The following RXFP1 variants were observed in gnomAD, a reference collection of about 807,000 sequenced individuals.
RXFP1 encodes relaxin family peptide receptor 1.
In RXFP1, 73 loss-of-function variants were observed where a neutral mutation model predicts 89.8. The observed-to-expected ratio is 0.81, with a 90% CI of 0.67 to 0.99. RXFP1 has a LOEUF of 0.99. Among genes scored for constraint, RXFP1 ranks in the 50% least tolerant of loss-of-function variants. The pLI is 0.00. For synonymous variants in RXFP1, 277 were observed against 305.5 expected (o/e 0.91, Z 0.97); for missense variants, 793 against 895.5 (o/e 0.89, Z 1.46).
chr4:158,578,333 G>A (rs1316339708), intron 2 of RXFP1, among the ~76,000 whole-genome samples: 1 of 152,166 alleles, frequency 6.6e-6, no homozygotes, highest in Admixed American at 6.5e-5. Flanking sequence ...TAAGTCATCA[G>A]AGCAGTGTTT....
chr4:158,526,800 T>TGTAAATTAACTCAA (rs1255425066), intron 1 of RXFP1, among the ~76,000 whole-genome samples: 1 of 152,240 alleles, frequency 6.6e-6, no homozygotes, highest in Admixed American at 6.5e-5. Context: ...AAAAAATTTC[T>TGTAAATTAACTCAA]GAGAGTTAAT....
rs191680580 is a variant in RXFP1, at chr4:158,616,611, A to G, written c.681-520A>G. 2.2e-5 allele frequency among the ~76,000 whole-genome samples: 3 copies of G among 133,468 alleles called. No individual in the cohort carries two copies. The Admixed American group carries it at 2.4e-4, about 11-fold the overall frequency. 87.6% of individuals were successfully genotyped at this position (133,468 alleles called of 152,430 possible). A position where few individuals can be genotyped will look rare whatever the true frequency, so the allele number is the denominator to read the frequency against. On this transcript the variant is annotated intron_variant, in intron 8 of 17. Transcript: ENST00000307765. ...ACTGCTTTCCTCCATATAATAACTTATATTTGTTAAAATTTTATTACTATC... is the reference window on the plus strand; with the variant it reads ...ACTGCTTTCCTCCATATAATAACTTGTATTTGTTAAAATTTTATTACTATC...
At chr4:158,556,156 GA>G (rs911383603) in intron 1 of RXFP1, among the ~76,000 whole-genome samples, 39 of 151,118 alleles carry the variant, frequency 2.6e-4, no homozygotes, top group African/African-American at 9.0e-4. Flanking sequence ...TACAGAAAGG[GA>G]GAAAATATTT....
intron 2 of RXFP1, among the ~76,000 whole-genome samples, chr4:158,593,082 G>C (rs1759826774): frequency 7.2e-6 from 1 of 138,958 alleles, no homozygotes; most frequent in African/African-American, 3.1e-5. Context: ...GCGAGACTCT[G>C]TCTCAAAAAA....
At chr4:158,616,352 C>A (rs554373737) in intron 8 of RXFP1, among the ~76,000 whole-genome samples, 1 of 152,004 alleles carries the variant, frequency 6.6e-6, no homozygotes, top group African/African-American at 2.4e-5. Flanking sequence ...TTGCTTGAAC[C>A]TGGGAAGCAG....
rs1023002547 is a variant in RXFP1 at position 158,550,498 on chromosome 4, G to A, written c.50-22200G>A. Reference sequence around the variant, plus strand: ...TGGCACTCCCTAGTGAGATGAACCCGGTACCTCAGATGGAAATGCAGAAAT... The same window carrying A: ...TGGCACTCCCTAGTGAGATGAACCCAGTACCTCAGATGGAAATGCAGAAAT... On this transcript the variant is annotated intron_variant, in intron 1 of 17. Coordinates refer to ENST00000307765, the MANE Select transcript of RXFP1 (RefSeq NM_021634.4). Among the ~76,000 whole-genome samples the A allele has an allele frequency of 1.3e-4, 20 of 152,290 alleles. No individual in the cohort carries two copies. In the East Asian group the frequency reaches 2.7e-3, roughly 21 times the overall value.
At chr4:158,651,080 C>A (rs1267967926) in intron 17 of RXFP1, among the ~76,000 whole-genome samples, 2 of 152,302 alleles carry the variant, frequency 1.3e-5, no homozygotes, top group East Asian at 3.9e-4. Flanking sequence ...GCCATGTTCA[C>A]ACCACTGCAC....
At chr4:158,596,668 T>C (rs1347492658) in intron 3 of RXFP1, among the ~76,000 whole-genome samples, 3 of 152,164 alleles carry the variant, frequency 2.0e-5, no homozygotes, top group Admixed American at 1.3e-4. Context: ...ACCATTCACA[T>C]GATATAAAAG....
intron 2 of RXFP1, among the ~76,000 whole-genome samples, chr4:158,587,936 C>G (rs1048994955): frequency 6.6e-6 from 1 of 152,122 alleles, no homozygotes; most frequent in Non-Finnish European, 1.5e-5. Context: ...GAATGAAAGT[C>G]TCTCAAAGAA....
chr4:158,557,234 A>T, intron 1 of RXFP1, among the ~76,000 whole-genome samples: 1 of 152,222 alleles, frequency 6.6e-6, no homozygotes, highest in East Asian at 1.9e-4. Flanking sequence ...TTTTTAAAGT[A>T]AATAATTTTT....
intron 1 of RXFP1, among the ~76,000 whole-genome samples, chr4:158,541,917 CTT>C (rs974675289): frequency 6.6e-6 from 1 of 150,616 alleles, no homozygotes; most frequent in Admixed American, 6.6e-5. Flanking sequence ...TGATGCTTTT[CTT>C]TTTTGTTTTT....
At chr4:158,629,577 C>T (rs1251499194) in intron 11 of RXFP1, among the ~76,000 whole-genome samples, 2 of 151,860 alleles carry the variant, frequency 1.3e-5, no homozygotes, top group Non-Finnish European at 2.9e-5. Flanking sequence ...AGTGCTTATC[C>T]TTCAGACCAT....
chr4:158,592,857 G>A (rs1040207943), intron 2 of RXFP1, among the ~76,000 whole-genome samples: 17 of 152,084 alleles, frequency 1.1e-4, no homozygotes, highest in East Asian at 3.9e-4. Flanking sequence ...TTGGGGGGCC[G>A]AGGCGGACAG....
chr4:158,649,969 CA>C (rs1772336017), intron 17 of RXFP1, among the ~76,000 whole-genome samples: 1 of 152,116 alleles, frequency 6.6e-6, no homozygotes, highest in Non-Finnish European at 1.5e-5. Flanking sequence ...TCACAATAGC[CA>C]AAAGTTAGAA....
At position 158,616,386 on chromosome 4, in the gene RXFP1, A is replaced by G. The variant is rs1299912785; in HGVS notation, c.681-745A>G. Among the ~76,000 whole-genome samples, 81 of 152,120 alleles carry G rather than the reference A, an allele frequency of 5.3e-4. 1 individual carries two copies. The highest frequency in any genetic ancestry group is 7.4e-5 in the Non-Finnish European group (5 of 67,978). ...AGAGGTTGCAGTGAGCCAAGATTGC[A>G]CCACTGCACTCCAGCCTGGGCAGAC... On this transcript the variant is annotated intron_variant, in intron 8 of 17. Transcript: ENST00000307765.
intron 1 of RXFP1, among the ~76,000 whole-genome samples, chr4:158,568,790 A>G (rs1230868046): frequency 1.3e-5 from 2 of 152,220 alleles, no homozygotes; most frequent in Admixed American, 6.5e-5. Flanking sequence ...TCTCTCTATG[A>G]GAATGTTAAT....
intron 1 of RXFP1, among the ~76,000 whole-genome samples, chr4:158,571,593 C>T (rs1041612389): frequency 2.6e-5 from 4 of 151,834 alleles, no homozygotes; most frequent in Non-Finnish European, 5.9e-5. Context: ...ACCTGGGAGG[C>T]GGAGGTTGCA....
At chr4:158,649,250 A>G (rs1281120254) in intron 17 of RXFP1, among the ~76,000 whole-genome samples, 1 of 152,266 alleles carries the variant, frequency 6.6e-6, no homozygotes, top group East Asian at 1.9e-4. Context: ...GCAATGAGTG[A>G]CCAAAATAAA....
rs578251197 is a variant in RXFP1 at position 158,651,772 on chromosome 4, G to A, written c.1991G>A (p.Trp664Ter). Reference protein sequence around the residue: ...QVEIPGTITSWVVIFILPINS... With the variant: ...QVEIPGTITS Reference sequence around the variant, plus strand: ...TCTTTTTTAGGTACCATAACCTCTTGGGTAGTGATTTTTATTCTGCCCATT... The same window carrying A: ...TCTTTTTTAGGTACCATAACCTCTTAGGTAGTGATTTTTATTCTGCCCATT... The change falls in exon 18 of 18, where the codon TGG becomes TAG. Residue 664 changes from tryptophan to a stop codon, truncating the protein, a stop_gained. Transcript: ENST00000307765. LOFTEE classifies it high-confidence loss of function. 4 of 1,610,438 alleles carry A rather than the reference G, an allele frequency of 2.5e-6. No individual in the cohort carries two copies. Among genetic ancestry groups the A allele is most frequent in the East Asian group, 2.2e-5 (1 of 44,818 alleles).
Sources: allele counts gnomAD v4.1 joint callset (sites outside exome capture counted in the v4.1 genomes callset), GRCh38; gene constraint gnomAD v4.1.1; transcripts MANE v1.5; gene names NCBI Gene and HGNC (gene_info 2026-07-23, HGNC 2026-07-21).